The following ATG4B variants were observed in gnomAD, a reference collection of about 807,000 sequenced individuals.
ATG4B encodes autophagy related 4B cysteine peptidase.
A neutral mutation model predicts 56.6 loss-of-function variants in ATG4B; 29 were observed. The ratio of observed to expected loss-of-function variants is 0.51; its 90% CI spans 0.38 to 0.70. ATG4B has a LOEUF of 0.70. Among genes scored for constraint, ATG4B ranks in the 30% least tolerant of loss-of-function variants. The pLI is 0.00. For synonymous variants in ATG4B, 224 were observed against 206.1 expected (o/e 1.09, Z -0.74); for missense variants, 461 against 515.5 (o/e 0.89, Z 1.02).
intron 10 of ATG4B, among the ~76,000 whole-genome samples, chr2:241,670,297 C>A (rs141991514): frequency 6.6e-6 from 1 of 151,792 alleles, no homozygotes; most frequent in Non-Finnish European, 1.5e-5. Flanking sequence ...TCACGGTGTC[C>A]TTGGGCAGTT....
Position 241,673,088 on chromosome 2 carries a change from A to ACGG in ATG4B, c.*827_*829dup, listed in dbSNP as rs2069036664. 5.9e-6 allele frequency: 1 copy of ACGG among 170,432 alleles called. No homozygotes were observed. The highest frequency in any genetic ancestry group is 1.3e-5 in the Non-Finnish European group (1 of 78,234). The allele number at this position is 170,432 out of a possible 1,614,324, so 10.6% of individuals were successfully genotyped here. On this transcript the variant is annotated 3_prime_UTR_variant, in exon 13 of 13. Transcript: ENST00000404914. ...CTGTGACAGCCAGGCTTGAGGGTGG[A>ACGG]CGGCGTGCCTCTCCCAGGAGCCTTC...
At position 241,672,934 on chromosome 2, in the gene ATG4B, G is replaced by C. The variant is rs539979443; in HGVS notation, c.*670G>C. 6.1e-6 allele frequency: 1 copy of C among 163,796 alleles called. No homozygotes were observed. Among genetic ancestry groups the C allele is most frequent in the African/African-American group, 2.4e-5 (1 of 41,766 alleles). The allele number at this position is 163,796 out of a possible 1,614,324, so 10.1% of individuals were successfully genotyped here. On this transcript the variant is annotated 3_prime_UTR_variant, in exon 13 of 13. Transcript: ENST00000404914. ...GCACAGGACACAGCGTGGGCGGCCTGGGCAGAAGGGCGGCTGGCTGTCCTG... is the reference window on the plus strand; with the variant it reads ...GCACAGGACACAGCGTGGGCGGCCTCGGCAGAAGGGCGGCTGGCTGTCCTG...
chr2:241,673,457 C>CACT lies in ATG4B; in HGVS notation c.*1193_*1194insACT. Reference sequence around the variant, plus strand: ...CAGCTACTGCGGCGTTGGCAGGACTCGCTGCTGCTGCTGCTGCTTGTGTAG... The same window carrying CACT: ...CAGCTACTGCGGCGTTGGCAGGACTCACTGCTGCTGCTGCTGCTGCTTGTGTAG... On this transcript the variant is annotated 3_prime_UTR_variant, in exon 13 of 13. Coordinates refer to ENST00000404914, the MANE Select transcript of ATG4B (RefSeq NM_013325.5). 1 of 385,366 alleles carries CACT rather than the reference C, an allele frequency of 2.6e-6. No individual in the cohort carries two copies. The highest frequency in any genetic ancestry group is 5.3e-6 in the Non-Finnish European group (1 of 187,756). The allele number at this position is 385,366 out of a possible 1,614,324, so 23.9% of individuals were successfully genotyped here.
chr2:241,670,162 G>A (rs529837452), intron 10 of ATG4B, among the ~76,000 whole-genome samples: 20 of 152,212 alleles, frequency 1.3e-4, no homozygotes, highest in Non-Finnish European at 2.6e-4. Context: ...GTTAACATCT[G>A]CGCATCTGGC....
chr2:241,654,800 G>C (rs1277932825), intron 5 of ATG4B, 153 bp downstream of exon 5: 2 of 649,416 alleles, frequency 3.1e-6, no homozygotes, highest in Non-Finnish European at 5.4e-6. Flanking sequence ...GTGCGCTGCT[G>C]TCACATCACC....
chr2:241,653,604 G>A lies in ATG4B; in HGVS notation c.277G>A (p.Gly93Ser). The A allele has an allele frequency of 6.4e-7, 1 of 1,564,904 alleles. No individual in the cohort carries two copies. Among genetic ancestry groups the A allele is most frequent in the Non-Finnish European group, 8.7e-7 (1 of 1,154,422 alleles). The change falls in exon 4 of 13, where the codon GGC (glycine) becomes AGC (serine). Residue 93 changes from glycine (G) to serine (S), a missense_variant. By Grantham distance (56) the Gly-to-Ser change is moderately conservative. Transcript: ENST00000404914. The part of the protein sequence containing the change: ...FAQALVCRHL[G>S]RDWRWTQRKR... ...CCAAGCCCTGGTGTGCCGGCACCTA[G>A]GCCGAGGTGAGTCACAGCCCTGGGG...
At chr2:241,645,091 C>T (rs2068022581) in intron 1 of ATG4B, among the ~76,000 whole-genome samples, 1 of 152,190 alleles carries the variant, frequency 6.6e-6, no homozygotes, top group Non-Finnish European at 1.5e-5. Flanking sequence ...TCTTCCTCTT[C>T]AGCTGGAGCT....
intron 1 of ATG4B, among the ~76,000 whole-genome samples, chr2:241,645,634 C>T (rs2068039026): frequency 6.6e-6 from 1 of 152,184 alleles, no homozygotes; most frequent in Non-Finnish European, 1.5e-5. Context: ...TGCGTGACTG[C>T]TCAGTGGTGG....
intron 1 of ATG4B, among the ~76,000 whole-genome samples, chr2:241,645,065 A>G (rs371495053): frequency 3.7e-4 from 57 of 152,258 alleles, no homozygotes; most frequent in African/African-American, 1.2e-3. Context: ...GCCTCAGTCC[A>G]TGGCTCCTCA....
intron 10 of ATG4B, 163 bp from the exon 11 acceptor site, chr2:241,670,563 C>T (rs1445562807): frequency 2.5e-5 from 17 of 691,274 alleles, no homozygotes; most frequent in Middle Eastern, 3.2e-4. Flanking sequence ...AGGGCACCCT[C>T]GGAGCTCCGT....
intron 1 of ATG4B, among the ~76,000 whole-genome samples, chr2:241,641,875 A>T (rs374376902): frequency 6.6e-6 from 1 of 152,272 alleles, no homozygotes; most frequent in African/African-American, 2.4e-5. Flanking sequence ...TGTGTTCTCC[A>T]CCAGTCCCTA....
At chr2:241,669,327 T>C (rs2068883324) in intron 10 of ATG4B, among the ~76,000 whole-genome samples, 2 of 152,184 alleles carry the variant, frequency 1.3e-5, no homozygotes, top group South Asian at 4.1e-4. Context: ...GTTAACCGAA[T>C]CGGGGGCTCT....
chr2:241,660,714 C>A (rs2068564701), intron 7 of ATG4B, among the ~76,000 whole-genome samples: 2 of 152,212 alleles, frequency 1.3e-5, no homozygotes, highest in Admixed American at 6.5e-5. Context: ...ACATAGTTTC[C>A]TAAGTATTTT....
intron 10 of ATG4B, among the ~76,000 whole-genome samples, chr2:241,669,644 ACTACAGGCACCCGCCACCACGCCTGG>A (rs1310623343): frequency 2.6e-5 from 4 of 152,170 alleles, no homozygotes; most frequent in African/African-American, 9.7e-5. Context: ...ATTAGCTGGG[ACTACAGGCACCCGCCACCACGCCTGG>A]CTAATTTTCT....
In ATG4B at chr2:241,666,966, T is replaced by C. The variant is rs1211300542; in HGVS notation, c.732+128T>C. ...CTCTCGGGGGAGGGGTAAACAACCCTGGTTTACACCGTTGCCCAAGGGGTG... is the reference window on the plus strand; with the variant it reads ...CTCTCGGGGGAGGGGTAAACAACCCCGGTTTACACCGTTGCCCAAGGGGTG... On this transcript the variant is annotated intron_variant, in intron 8 of 12. Coordinates refer to ENST00000404914, the MANE Select transcript of ATG4B (RefSeq NM_013325.5). The C allele has an allele frequency of 5.4e-6, 6 of 1,118,170 alleles. No homozygotes were observed. In the Admixed American group the frequency reaches 1.4e-4, roughly 27 times the overall value. The allele number at this position is 1,118,170 out of a possible 1,614,324, so 69.3% of individuals were successfully genotyped here.
chr2:241,670,843 C>T (rs1458073017), intron 11 of ATG4B, 61 bp downstream of exon 11: 41 of 1,519,696 alleles, frequency 2.7e-5, no homozygotes, highest in East Asian at 4.8e-5. Context: ...GGCAGTGGGG[C>T]GTGCAGGGGT....
intron 1 of ATG4B, among the ~76,000 whole-genome samples, chr2:241,643,655 T>C (rs1023602517): frequency 3.0e-5 from 3 of 101,406 alleles, no homozygotes; most frequent in Admixed American, 2.9e-4. Flanking sequence ...TGTATAAATA[T>C]ATATATACGT....
At chr2:241,644,842 G>A (rs766162314) in intron 1 of ATG4B, among the ~76,000 whole-genome samples, 7 of 151,844 alleles carry the variant, frequency 4.6e-5, no homozygotes, top group Admixed American at 6.6e-5. Context: ...CCAGCTACTC[G>A]GGAGGCTGAG....
intron 5 of ATG4B, chr2:241,654,951 G>A: frequency 1.7e-6 from 1 of 571,632 alleles, no homozygotes; most frequent in East Asian, 2.9e-5. Context: ...GAATCTGAAT[G>A]CTCAGATTGA....
Sources: allele counts gnomAD v4.1 joint callset (sites outside exome capture counted in the v4.1 genomes callset), GRCh38; gene constraint gnomAD v4.1.1; transcripts MANE v1.5; gene names NCBI Gene and HGNC (gene_info 2026-07-23, HGNC 2026-07-21).